The following PTPRG variants were observed in gnomAD, a reference collection of about 807,000 sequenced individuals.
PTPRG encodes the protein receptor-type tyrosine-protein phosphatase gamma.
PTPRG carries 102 observed loss-of-function variants against 165.3 expected under a neutral mutation model. The ratio of observed to expected loss-of-function variants is 0.62; its 90% CI spans 0.53 to 0.73. The LOEUF (loss-of-function observed/expected upper bound fraction) is 0.73, where lower values mean the gene tolerates loss of function less well. PTPRG is among the 30% of genes least tolerant of loss of function. PTPRG has a pLI of 0.00. For synonymous variants in PTPRG, 675 were observed against 669.5 expected (o/e 1.01, Z -0.13); for missense variants, 1,866 against 1,861.4 (o/e 1.00, Z -0.05).
intron 2 of PTPRG, among the ~76,000 whole-genome samples, chr3:61,887,981 A>G (rs992951894): frequency 6.6e-6 from 1 of 152,190 alleles, no homozygotes; most frequent in Non-Finnish European, 1.5e-5. Context: ...AGTCCAAGTA[A>G]AAAAACCAAA....
At chr3:61,863,054 G>A (rs1237683259) in intron 2 of PTPRG, among the ~76,000 whole-genome samples, 2 of 80,958 alleles carry the variant, frequency 2.5e-5, no homozygotes, top group East Asian at 1.1e-3. Context: ...TTTTTCTGAA[G>A]AGAGATTGAT....
chr3:61,795,354 G>A (rs186425760), intron 2 of PTPRG, among the ~76,000 whole-genome samples: 6 of 152,040 alleles, frequency 3.9e-5, no homozygotes, highest in East Asian at 1.9e-4. Flanking sequence ...AAAAGTAGGC[G>A]GGAATAGGCC....
chr3:62,014,943 G>C (rs1410356332), intron 4 of PTPRG, among the ~76,000 whole-genome samples: 1 of 152,158 alleles, frequency 6.6e-6, no homozygotes, highest in Non-Finnish European at 1.5e-5. Context: ...GCTTGATAAT[G>C]GGCTATCACA....
At chr3:61,569,044 TGTG>T (rs1470121328) in intron 1 of PTPRG, among the ~76,000 whole-genome samples, 1 of 152,152 alleles carries the variant, frequency 6.6e-6, no homozygotes, top group Non-Finnish European at 1.5e-5. Context: ...CACTTGTACT[TGTG>T]GTGGGTGTGG....
chr3:62,036,054 A>G (rs1372604285), intron 4 of PTPRG, among the ~76,000 whole-genome samples: 2 of 120,410 alleles, frequency 1.7e-5, no homozygotes, highest in Non-Finnish European at 3.8e-5. Context: ...CAAAAAAAAA[A>G]AAAAAAATCC....
In PTPRG at chr3:61,618,694, G is replaced by A. The variant is rs752831578; in HGVS notation, c.85+56322G>A. 9.9e-4 allele frequency among the ~76,000 whole-genome samples: 150 copies of A among 152,182 alleles called. 2 individuals carry two copies. In the Middle Eastern group the frequency reaches 0.021, roughly 21 times the overall value. ...TAGCTCTGAAGAAATTTTTCTTAAGGCCTTTTTAAACAATTGATCAGATAA... is the reference window on the plus strand; with the variant it reads ...TAGCTCTGAAGAAATTTTTCTTAAGACCTTTTTAAACAATTGATCAGATAA... On this transcript the variant is annotated intron_variant, in intron 1 of 29. Transcript: ENST00000474889.
In PTPRG at chr3:62,255,331, G is replaced by T; in HGVS notation, c.2559+116G>T. ...TAACAAAACAGTAACTACGGAAAGT[G>T]GAGTTTTTCTTTTCATCTATTATTT... On this transcript the variant is annotated intron_variant, in intron 16 of 29. Coordinates refer to ENST00000474889, the MANE Select transcript of PTPRG (RefSeq NM_002841.4). The surrounding 1 kb of genome is among the most constrained non-coding windows in gnomAD (Gnocchi z 4.0). 2.7e-6 allele frequency: 2 copies of T among 750,890 alleles called. No homozygotes were observed. The highest frequency in any genetic ancestry group is 2.1e-5 in the South Asian group (1 of 47,794). The allele number at this position is 750,890 out of a possible 1,614,324, so 46.5% of individuals were successfully genotyped here.
At chr3:61,576,008 A>C (rs760469327) in intron 1 of PTPRG, among the ~76,000 whole-genome samples, 1 of 152,218 alleles carries the variant, frequency 6.6e-6, no homozygotes, top group Non-Finnish European at 1.5e-5. Flanking sequence ...CTCTCAACGA[A>C]TGCTATGCCA....
At chr3:62,139,787 C>T (rs1252706814) in intron 6 of PTPRG, among the ~76,000 whole-genome samples, 2 of 152,164 alleles carry the variant, frequency 1.3e-5, no homozygotes, top group African/African-American at 4.8e-5. Flanking sequence ...CACCTTTTTG[C>T]CCCTGCCCTG....
intron 5 of PTPRG, among the ~76,000 whole-genome samples, chr3:62,084,093 T>C (rs555608743): frequency 6.6e-6 from 1 of 152,338 alleles, no homozygotes; most frequent in East Asian, 1.9e-4. Context: ...ACGTTTCTTA[T>C]GTGACATTGT....
At chr3:62,287,977 TAACTAGAAAC>T (rs1409565066) in intron 28 of PTPRG, among the ~76,000 whole-genome samples, 1 of 152,110 alleles carries the variant, frequency 6.6e-6, no homozygotes, top group South Asian at 2.1e-4. Flanking sequence ...CAAATCCTTA[TAACTAGAAAC>T]AACTAGAAAC....
intron 2 of PTPRG, chr3:61,753,762 A>G (rs2033539650): frequency 3.1e-6 from 1 of 324,232 alleles, no homozygotes; most frequent in African/African-American, 2.2e-5. Context: ...CTCCCAGCTA[A>G]TTTGTGTATT....
At chr3:62,029,299 G>GCTTA (rs1183553947) in intron 4 of PTPRG, among the ~76,000 whole-genome samples, 1 of 152,018 alleles carries the variant, frequency 6.6e-6, no homozygotes, top group African/African-American at 2.4e-5. Flanking sequence ...TGGAGACACT[G>GCTTA]CTTACTTCAT....
intron 2 of PTPRG, among the ~76,000 whole-genome samples, chr3:61,865,079 C>G (rs1309753684): frequency 6.6e-6 from 1 of 152,146 alleles, no homozygotes; most frequent in Non-Finnish European, 1.5e-5. Context: ...TTTCTGGAGA[C>G]TGGAAGTCAT....
intron 8 of PTPRG, among the ~76,000 whole-genome samples, chr3:62,180,253 G>A (rs923291639): frequency 7.9e-5 from 12 of 152,272 alleles, no homozygotes; most frequent in African/African-American, 2.9e-4. Flanking sequence ...ATCTTGGATG[G>A]TGTTTGGATA....
intron 5 of PTPRG, among the ~76,000 whole-genome samples, chr3:62,098,940 T>A (rs1025707720): frequency 3.3e-5 from 5 of 152,174 alleles, no homozygotes; most frequent in African/African-American, 1.2e-4. Flanking sequence ...GTAGGATGTT[T>A]TAGAAACAAA....
At chr3:61,701,638 C>T (rs544865303) in intron 1 of PTPRG, among the ~76,000 whole-genome samples, 5 of 152,190 alleles carry the variant, frequency 3.3e-5, no homozygotes, top group African/African-American at 1.2e-4. Flanking sequence ...TGGCTCACAC[C>T]TGTGATCCCA....
intron 4 of PTPRG, among the ~76,000 whole-genome samples, chr3:62,029,891 C>T (rs968520791): frequency 1.2e-4 from 18 of 152,168 alleles, no homozygotes; most frequent in African/African-American, 4.3e-4. Context: ...TATTGCCGGC[C>T]ACCTTCCACC....
At chr3:61,912,178 C>T (rs1322432258) in intron 2 of PTPRG, among the ~76,000 whole-genome samples, 1 of 151,854 alleles carries the variant, frequency 6.6e-6, no homozygotes, top group Non-Finnish European at 1.5e-5. Flanking sequence ...TTAGAAAATG[C>T]GCAACAGTAT....
Sources: gnomAD v4.1 joint callset for allele counts (sites outside exome capture counted in the v4.1 genomes callset) on GRCh38, gnomAD v4.1.1 for gene constraint, Gnocchi (gnomAD v3.1) non-coding constraint, MANE v1.5 for transcripts, NCBI Gene and HGNC (gene_info 2026-07-23, HGNC 2026-07-21) for gene names.